The following RP1 variants were observed in gnomAD, a reference collection of about 807,000 sequenced individuals.
The protein encoded by RP1 is RP1 axonemal microtubule associated.
In RP1, 16 loss-of-function variants were observed where a neutral mutation model predicts 14.8. The observed-to-expected ratio is 1.08, with a 90% confidence interval of 0.73 to 1.65. The LOEUF is 1.65. RP1 is among the 40% of genes most tolerant of loss of function. RP1 has a pLI of 0.00. For synonymous variants in RP1, 876 were observed against 883.6 expected (o/e 0.99, Z 0.15); for missense variants, 2,631 against 2,535.0 (o/e 1.04, Z -0.81).
At chr8:54,584,107 A>T (rs1232854634) in intron 1 of RP1, among the ~76,000 whole-genome samples, 2 of 152,070 alleles carry the variant, frequency 1.3e-5, no homozygotes, top group African/African-American at 4.8e-5. Flanking sequence ...TGTCAATTTT[A>T]GATCTTGTCT....
intron 1 of RP1, among the ~76,000 whole-genome samples, chr8:54,616,573 G>C (rs528677178): frequency 1.3e-5 from 2 of 152,150 alleles, no homozygotes; most frequent in African/African-American, 4.8e-5. Flanking sequence ...GTGAATAACT[G>C]GTGATTTTCC....
intron 1 of RP1, among the ~76,000 whole-genome samples, chr8:54,607,868 G>T (rs1287116579): frequency 6.6e-6 from 1 of 152,212 alleles, no homozygotes; most frequent in South Asian, 2.1e-4. Context: ...ATCTCCTGGT[G>T]TGCCATTTGC....
At chr8:54,807,621 CCTGT>C (rs1209601557) in intron 24 of RP1, among the ~76,000 whole-genome samples, 178 of 149,892 alleles carry the variant, frequency 1.2e-3, no homozygotes, top group African/African-American at 2.8e-3. Flanking sequence ...TCTCTATCTA[CCTGT>C]CTGTCTGTCT....
chr8:54,796,272 T>A (rs1810574679), intron 24 of RP1, among the ~76,000 whole-genome samples: 1 of 152,156 alleles, frequency 6.6e-6, no homozygotes. Context: ...ATAAAATCAA[T>A]GTAAAATTTT....
chr8:54,675,646 A>G (rs430514), intron 8 of RP1, among the ~76,000 whole-genome samples: 39,583 of 152,044 alleles, frequency 0.26, 5,453 homozygotes, highest in East Asian at 0.42. Flanking sequence ...AATTAAAAGG[A>G]CAAAAGTAAA....
At chr8:54,855,394 G>A (rs1045835541) in intron 26 of RP1, among the ~76,000 whole-genome samples, 3 of 152,140 alleles carry the variant, frequency 2.0e-5, no homozygotes, top group African/African-American at 4.8e-5. Context: ...GGTTGCTTCC[G>A]CCTTTTAGCT....
At chr8:54,790,934 T>C (rs533729425) in intron 24 of RP1, among the ~76,000 whole-genome samples, 8 of 152,294 alleles carry the variant, frequency 5.3e-5, no homozygotes, top group African/African-American at 1.7e-4. Context: ...AAAAAGCCTA[T>C]TTAAAGAAAT....
downstream of RP1, among the ~76,000 whole-genome samples, chr8:54,773,897 T>C (rs1809971415): frequency 6.6e-6 from 1 of 152,196 alleles, no homozygotes; most frequent in Admixed American, 6.5e-5. Flanking sequence ...GTATGATCAT[T>C]AACAATTTGG....
chr8:54,579,687 T>C (rs1459319808), intron 1 of RP1, among the ~76,000 whole-genome samples: 3 of 152,334 alleles, frequency 2.0e-5, no homozygotes, highest in Admixed American at 6.5e-5. Context: ...AATCTAAATG[T>C]GGTCATTGTG....
chr8:54,595,152 T>C (rs955343690), intron 1 of RP1, among the ~76,000 whole-genome samples: 2 of 150,994 alleles, frequency 1.3e-5, no homozygotes, highest in Admixed American at 1.3e-4. Context: ...TTTTTTGAGA[T>C]GGAGTCTTTC....
At chr8:54,737,511 A>G (rs1808963170) in intron 18 of RP1, among the ~76,000 whole-genome samples, 1 of 152,192 alleles carries the variant, frequency 6.6e-6, no homozygotes, top group African/African-American at 2.4e-5. Flanking sequence ...CTAGCCTCAA[A>G]CTGGAGGATA....
chr8:54,727,030 A>C (rs1808673110), intron 17 of RP1, among the ~76,000 whole-genome samples: 1 of 152,132 alleles, frequency 6.6e-6, no homozygotes, highest in Admixed American at 6.6e-5. Context: ...TCTTTGGATA[A>C]GATGAAATAG....
chr8:54,865,576 G>A (rs1157738059), intron 27 of RP1, among the ~76,000 whole-genome samples: 1 of 152,034 alleles, frequency 6.6e-6, no homozygotes, highest in African/African-American at 2.4e-5. Context: ...CTTGGCTCAT[G>A]TGTTTTTAAA....
chr8:54,783,405 C>T (rs140640796), intron 23 of RP1: 4 of 436,654 alleles, frequency 9.2e-6, no homozygotes, highest in South Asian at 1.3e-4. Context: ...AGGAGGAAAT[C>T]CATGATAAGC....
At chr8:54,761,188 C>T (rs1809629289) in intron 22 of RP1, among the ~76,000 whole-genome samples, 1 of 151,066 alleles carries the variant, frequency 6.6e-6, no homozygotes, top group Non-Finnish European at 1.5e-5. Context: ...TCCATGTCTA[C>T]ACATACATTT....
chr8:54,605,050 C>G (rs571857210), intron 1 of RP1, among the ~76,000 whole-genome samples: 15 of 152,120 alleles, frequency 9.9e-5, no homozygotes, highest in African/African-American at 2.9e-4. Context: ...CAGTTCTTCT[C>G]TGATCTTAGT....
At chr8:54,608,848 T>C (rs887573357) in intron 1 of RP1, among the ~76,000 whole-genome samples, 1 of 152,204 alleles carries the variant, frequency 6.6e-6, no homozygotes, top group Admixed American at 6.5e-5. Context: ...TGGGCTGAGT[T>C]TGCCTTCCCT....
chr8:54,756,231 C>T (rs1809501336), intron 21 of RP1, among the ~76,000 whole-genome samples: 1 of 152,138 alleles, frequency 6.6e-6, no homozygotes, highest in African/African-American at 2.4e-5. Context: ...TCCTTATTTC[C>T]TTTTGTCCTT....
intron 11 of RP1, chr8:54,679,797 T>C (rs968977577): frequency 7.2e-6 from 11 of 1,534,610 alleles, no homozygotes; most frequent in East Asian, 2.4e-5. Context: ...TTTGTTTTTC[T>C]TTTTAGTGGA....
Sources: gnomAD v4.1 joint callset for allele counts (sites outside exome capture counted in the v4.1 genomes callset) on GRCh38, gnomAD v4.1.1 for gene constraint, MANE v1.5 for transcripts, NCBI Gene and HGNC (gene_info 2026-07-23, HGNC 2026-07-21) for gene names.